PUM2: variants seen among roughly 807,000 people sequenced by gnomAD.
PUM2 encodes the protein pumilio RNA binding family member 2.
A neutral mutation model predicts 124.5 loss-of-function variants in PUM2; 57 were observed. The ratio of observed to expected loss-of-function variants is 0.46; its 90% CI spans 0.37 to 0.57. The LOEUF (loss-of-function observed/expected upper bound fraction) is 0.57. PUM2 is among the 20% of genes least tolerant of loss of function. PUM2 has a pLI of 0.00. For missense variants in PUM2, 1,065 were observed against 1,290.6 expected, an observed-to-expected ratio of 0.83 and a Z score of 2.68; for synonymous variants, 460 against 446.1, an observed-to-expected ratio of 1.03 and a Z score of -0.39.
Position 20,283,072 on chromosome 2 carries a change from C to G in PUM2, c.1595G>C (p.Ser532Thr), listed in dbSNP as rs1187202867. The change falls in exon 12 of 21, where the codon AGC becomes ACC. Residue 532 changes from serine to threonine, a missense_variant. This residue lies in a region of PUM2 where 968 missense variants were observed against 1,159.8 expected (regional missense o/e 0.83). Transcript: ENST00000361078. The stretch of plus-strand genomic sequence containing the variant: ...AGAAAATAAAGAACTACTCTGGGAG[C>G]TATTAGTCAAAGAACTGCTTCCATA... The part of the protein sequence containing the change: ...SFYGSSSLTN[S>T]SQSSSLFSHG... 1 of 1,613,892 alleles carries G rather than the reference C, an allele frequency of 6.2e-7. No individual in the cohort carries two copies. Among genetic ancestry groups the G allele is most frequent in the Non-Finnish European group, 8.5e-7 (1 of 1,180,006 alleles).
At chr2:20,276,108 C>T (rs1670190323) in intron 13 of PUM2, among the ~76,000 whole-genome samples, 1 of 151,946 alleles carries the variant, frequency 6.6e-6, no homozygotes, top group African/African-American at 2.4e-5. Flanking sequence ...AACAGAGCTG[C>T]AAATTTGAAC....
chr2:20,346,691 C>A (rs1195264433), intron 1 of PUM2, among the ~76,000 whole-genome samples: 1 of 152,134 alleles, frequency 6.6e-6, no homozygotes, highest in African/African-American at 2.4e-5. Flanking sequence ...GTGTATTTTT[C>A]CCCAGAACTA....
At chr2:20,349,510 T>C (rs775960241) in intron 1 of PUM2, among the ~76,000 whole-genome samples, 1 of 151,094 alleles carries the variant, frequency 6.6e-6, no homozygotes, top group Admixed American at 6.6e-5. Context: ...TTGAAAATAC[T>C]CATTTTTGTT....
chr2:20,344,699 G>A (rs768219266), intron 1 of PUM2, among the ~76,000 whole-genome samples: 4 of 151,976 alleles, frequency 2.6e-5, no homozygotes, highest in African/African-American at 4.8e-5. Context: ...TTAAGATTCC[G>A]CAGCTGGGCA....
chr2:20,290,134 T>C (rs1365420501), intron 10 of PUM2, among the ~76,000 whole-genome samples: 4 of 152,224 alleles, frequency 2.6e-5, no homozygotes, highest in African/African-American at 4.8e-5. Flanking sequence ...TATACTGTAA[T>C]TTTTTATACT....
intron 20 of PUM2, 27 bp from the exon 21 acceptor site, chr2:20,251,743 A>G: frequency 6.2e-7 from 1 of 1,605,324 alleles, no homozygotes; most frequent in South Asian, 1.1e-5. Context: ...CTGCTTAGAA[A>G]ATCTAAGTCA....
At chr2:20,309,874 A>C (rs1679220995) in intron 5 of PUM2, among the ~76,000 whole-genome samples, 1 of 152,120 alleles carries the variant, frequency 6.6e-6, no homozygotes, top group African/African-American at 2.4e-5. Context: ...CACTCACTTA[A>C]ACATCAACCA....
At chr2:20,327,735 C>T (rs1684011207) in intron 1 of PUM2, among the ~76,000 whole-genome samples, 1 of 151,884 alleles carries the variant, frequency 6.6e-6, no homozygotes, top group Non-Finnish European at 1.5e-5. Context: ...CATTTCTGCC[C>T]GAGGGAAGGC....
At chr2:20,272,155 A>AAATG (rs60522777) in intron 13 of PUM2, among the ~76,000 whole-genome samples, 35,099 of 148,000 alleles carry the variant, frequency 0.24, 4,292 homozygotes, top group East Asian at 0.32. Flanking sequence ...AGACTTCGTC[A>AAATG]AATGAATGAA....
intron 12 of PUM2, among the ~76,000 whole-genome samples, chr2:20,282,692 TAATCAATTCCTAGAGCCAGGGAA>T (rs1423755633): frequency 6.6e-6 from 1 of 152,130 alleles, no homozygotes; most frequent in African/African-American, 2.4e-5. Flanking sequence ...AAAATTACAG[TAATCAATTCCTAGAGCCAGGGAA>T]AAAGGAAATG....
intron 3 of PUM2, among the ~76,000 whole-genome samples, chr2:20,313,738 A>AG (rs1232111281): frequency 2.8e-5 from 4 of 140,356 alleles, no homozygotes; most frequent in African/African-American, 5.2e-5. Context: ...GTGAGAGCTG[A>AG]GGGGGGAAGA....
chr2:20,345,211 C>T (rs1206643972), intron 1 of PUM2, among the ~76,000 whole-genome samples: 3 of 151,580 alleles, frequency 2.0e-5, no homozygotes, highest in African/African-American at 7.3e-5. Context: ...GTGACCTTCC[C>T]ACCTCATTCC....
intron 1 of PUM2, among the ~76,000 whole-genome samples, chr2:20,345,952 T>C (rs1278812328): frequency 6.6e-6 from 1 of 152,234 alleles, no homozygotes; most frequent in East Asian, 1.9e-4. Context: ...TGAATGTCCA[T>C]ACTCCATGAA....
chr2:20,299,153 G>A (rs1488066685), intron 7 of PUM2, among the ~76,000 whole-genome samples: 1 of 152,192 alleles, frequency 6.6e-6, no homozygotes, highest in African/African-American at 2.4e-5. Flanking sequence ...AGAAGTTCTG[G>A]AGGCCCAGAC....
At chr2:20,351,213 G>T (rs1008416440), upstream of PUM2, among the ~76,000 whole-genome samples, 20 of 152,188 alleles carry the variant, frequency 1.3e-4, no homozygotes, top group Non-Finnish European at 2.9e-5. Context: ...TCCCCCAACT[G>T]GGTGTGCGGG....
chr2:20,258,673 T>G (rs903857644), intron 15 of PUM2, among the ~76,000 whole-genome samples: 3 of 145,778 alleles, frequency 2.1e-5, no homozygotes, highest in African/African-American at 7.6e-5. Context: ...TTTTTTTTTT[T>G]TTGTTGAGAC....
rs189207587 is a variant in PUM2 at position 20,297,774 on chromosome 2, G to C, written c.884-96C>G. 7.6e-6 allele frequency: 10 copies of C among 1,314,876 alleles called. No individual in the cohort carries two copies. The East Asian group carries it at 2.0e-4, about 26-fold the overall frequency. 81.5% of individuals were successfully genotyped at this position (1,314,876 alleles called of 1,614,324 possible). Reference sequence around the variant, plus strand: ...TTCTACTCTGAATCTGGGGTGGTGTGGGGGTGGGGAGCAGAGTGTGCATAA... The same window carrying C: ...TTCTACTCTGAATCTGGGGTGGTGTCGGGGTGGGGAGCAGAGTGTGCATAA... On this transcript the variant is annotated intron_variant, in intron 7 of 20. Coordinates refer to ENST00000361078, the MANE Select transcript of PUM2 (RefSeq NM_015317.5).
At chr2:20,315,756 T>C (rs1228343330) in intron 3 of PUM2, among the ~76,000 whole-genome samples, 1 of 148,822 alleles carries the variant, frequency 6.7e-6, no homozygotes. Flanking sequence ...AGCTCAGGGG[T>C]TTGCGACAAG....
chr2:20,252,036 TTTGTACA>T (rs1279419825), intron 20 of PUM2, among the ~76,000 whole-genome samples: 1 of 152,142 alleles, frequency 6.6e-6, no homozygotes, highest in Admixed American at 6.5e-5. Context: ...CAAAAAGACT[TTTGTACA>T]AAGCACTACT....
Sources: gnomAD v4.1 joint callset for allele counts (sites outside exome capture counted in the v4.1 genomes callset) on GRCh38, gnomAD v4.1.1 for gene constraint, gnomAD v4.1.1 regional missense constraint, MANE v1.5 for transcripts, NCBI Gene and HGNC (gene_info 2026-07-23, HGNC 2026-07-21) for gene names.